Variants in EPB41L4A observed in about 807,000 individuals in gnomAD.
EPB41L4A encodes erythrocyte membrane protein band 4.1 like 4A.
Under a neutral mutation model 108.6 loss-of-function variants are expected in EPB41L4A, and 100 were observed. The ratio of observed to expected loss-of-function variants is 0.92; its 90% CI spans 0.78 to 1.09. The LOEUF (loss-of-function observed/expected upper bound fraction) is 1.09, where lower values mean the gene tolerates loss of function less well. EPB41L4A is among the 50% of genes least tolerant of loss of function. The probability of loss-of-function intolerance (pLI) is 0.00; values close to 1 mark genes in which losing one functional copy is unlikely to be tolerated. For synonymous variants in EPB41L4A, 319 were observed against 289.0 expected (o/e 1.10, Z -1.05); for missense variants, 1,030 against 842.7 (o/e 1.22, Z -2.75).
chr5:112,310,944 G>A (rs1755008946), intron 1 of EPB41L4A, among the ~76,000 whole-genome samples: 1 of 152,044 alleles, frequency 6.6e-6, no homozygotes, highest in African/African-American at 2.4e-5. Flanking sequence ...CAATAGCAAA[G>A]GCATCCAAAG....
chr5:112,298,144 T>C (rs1754128188), intron 2 of EPB41L4A, among the ~76,000 whole-genome samples: 1 of 152,170 alleles, frequency 6.6e-6, no homozygotes. Context: ...TGTAGGATTG[T>C]TTTTTCTAGT....
intron 12 of EPB41L4A, among the ~76,000 whole-genome samples, chr5:112,155,122 A>G (rs1759604106): frequency 6.6e-6 from 1 of 152,188 alleles, no homozygotes; most frequent in South Asian, 2.1e-4. Context: ...TTAATTAAGA[A>G]AAAGAATGCT....
intron 12 of EPB41L4A, among the ~76,000 whole-genome samples, chr5:112,155,986 C>T (rs1444370074): frequency 6.6e-6 from 1 of 151,926 alleles, no homozygotes; most frequent in African/African-American, 2.4e-5. Flanking sequence ...TAACTATAGT[C>T]TCATCCATAA....
chr5:112,367,537 T>G (rs190785520), intron 1 of EPB41L4A, among the ~76,000 whole-genome samples: 102 of 152,220 alleles, frequency 6.7e-4, no homozygotes, highest in Non-Finnish European at 1.2e-3. Context: ...TTTATGGAAT[T>G]TCCCACTCCG....
At chr5:112,337,088 G>T (rs1293571688) in intron 1 of EPB41L4A, among the ~76,000 whole-genome samples, 1 of 152,140 alleles carries the variant, frequency 6.6e-6, no homozygotes, top group African/African-American at 2.4e-5. Context: ...TTTTGAGCCT[G>T]TCACGTGAAG....
At chr5:112,147,672 T>G (rs1387409151) in intron 12 of EPB41L4A, among the ~76,000 whole-genome samples, 2 of 145,578 alleles carry the variant, frequency 1.4e-5, no homozygotes, top group Non-Finnish European at 3.0e-5. Flanking sequence ...AAATCCATAA[T>G]GAAAATTCCA....
intron 15 of EPB41L4A, among the ~76,000 whole-genome samples, chr5:112,198,180 A>G (rs746709911): frequency 3.9e-5 from 6 of 152,016 alleles, no homozygotes; most frequent in Non-Finnish European, 5.9e-5. Context: ...GATTACAGGC[A>G]TGCACCACCA....
At chr5:112,393,811 C>T (rs1439898220) in intron 1 of EPB41L4A, among the ~76,000 whole-genome samples, 1 of 152,142 alleles carries the variant, frequency 6.6e-6, no homozygotes, top group Admixed American at 6.5e-5. Flanking sequence ...AGACCAATAT[C>T]CCTGATGAAC....
intron 1 of EPB41L4A, among the ~76,000 whole-genome samples, chr5:112,406,090 G>A (rs147998412): frequency 7.9e-5 from 12 of 152,304 alleles, no homozygotes; most frequent in East Asian, 1.9e-4. Flanking sequence ...TGTAAAAACA[G>A]TGTCTGAAAG....
At chr5:112,232,171 C>T (rs1749006041) in intron 12 of EPB41L4A, among the ~76,000 whole-genome samples, 1 of 151,026 alleles carries the variant, frequency 6.6e-6, no homozygotes, top group African/African-American at 2.4e-5. Context: ...TGCTGGGAGG[C>T]TGTCCTCCAA....
At chr5:112,210,704 C>G (rs1274389572) in intron 12 of EPB41L4A, among the ~76,000 whole-genome samples, 1 of 151,922 alleles carries the variant, frequency 6.6e-6, no homozygotes, top group Non-Finnish European at 1.5e-5. Context: ...ACTCTCAGGG[C>G]AGAGGTAGAT....
At chr5:112,273,356 G>T (rs944077164) in intron 4 of EPB41L4A, among the ~76,000 whole-genome samples, 3 of 152,176 alleles carry the variant, frequency 2.0e-5, no homozygotes, top group African/African-American at 7.2e-5. Flanking sequence ...AAAAATCCAT[G>T]TATTCCGTTA....
intron 1 of EPB41L4A, among the ~76,000 whole-genome samples, chr5:112,313,843 A>T (rs1255586328): frequency 6.6e-6 from 1 of 151,374 alleles, no homozygotes; most frequent in East Asian, 1.9e-4. Context: ...AACCGCTCCA[A>T]AAAAAGGTAA....
At chr5:112,372,471 G>A (rs1382434092) in intron 1 of EPB41L4A, among the ~76,000 whole-genome samples, 1 of 152,188 alleles carries the variant, frequency 6.6e-6, no homozygotes, top group African/African-American at 2.4e-5. Context: ...AAACTGTTAC[G>A]GAAGGCTCTG....
chr5:112,296,496 G>T (rs1753991155), intron 2 of EPB41L4A, among the ~76,000 whole-genome samples: 2 of 152,122 alleles, frequency 1.3e-5, no homozygotes, highest in Admixed American at 1.3e-4. Context: ...TAAGAAAAAG[G>T]TAGAGTTGGA....
chr5:112,338,571 C>T (rs1196227126), intron 1 of EPB41L4A, among the ~76,000 whole-genome samples: 2 of 150,664 alleles, frequency 1.3e-5, no homozygotes, highest in Non-Finnish European at 2.9e-5. Flanking sequence ...GGGGAGGCTT[C>T]CTCTACCAGC....
intron 1 of EPB41L4A, among the ~76,000 whole-genome samples, chr5:112,367,546 C>T (rs183499643): frequency 1.0e-3 from 158 of 152,214 alleles, no homozygotes; most frequent in African/African-American, 3.2e-3. Context: ...TTTCCCACTC[C>T]GCATCCCCCA....
chr5:112,387,569 C>T lies in EPB41L4A; in HGVS notation c.99+31372G>A, dbSNP rs1468384820. 5.9e-5 allele frequency among the ~76,000 whole-genome samples: 9 copies of T among 152,312 alleles called. No homozygotes were observed. The South Asian group carries it at 1.0e-3, about 18-fold the overall frequency. On this transcript the variant is annotated intron_variant, in intron 1 of 22. Coordinates refer to ENST00000261486, the MANE Select transcript of EPB41L4A (RefSeq NM_022140.5). ...GCGTCAACCTGGGAGGCGGAGCTTG[C>T]AGTGAGCCGAAATCATGCCACTGCA...
intron 1 of EPB41L4A, among the ~76,000 whole-genome samples, chr5:112,361,423 T>C (rs1288104648): frequency 6.6e-6 from 1 of 151,976 alleles, no homozygotes; most frequent in Non-Finnish European, 1.5e-5. Context: ...CCAGAGACCT[T>C]TGTTCACATG....
Sources: gnomAD v4.1 joint callset for allele counts (sites outside exome capture counted in the v4.1 genomes callset) on GRCh38, gnomAD v4.1.1 for gene constraint, MANE v1.5 for transcripts, NCBI Gene and HGNC (gene_info 2026-07-23, HGNC 2026-07-21) for gene names.